The following ZNF555 variants were observed in gnomAD, a reference collection of about 807,000 sequenced individuals.
The protein encoded by ZNF555 is zinc finger protein 555.
Under a neutral mutation model 14.0 loss-of-function variants are expected in ZNF555, and 10 were observed. That is an observed-to-expected ratio of 0.72 (90% CI 0.44 to 1.21). The LOEUF is 1.21. ZNF555 is among the 50% of genes most tolerant of loss of function. ZNF555 has a pLI of 0.00. For synonymous variants in ZNF555, 277 were observed against 262.4 expected (o/e 1.06, Z -0.54); for missense variants, 747 against 762.0 (o/e 0.98, Z 0.23).
At chr19:2,846,208 C>A (rs1286229054) in intron 1 of ZNF555, among the ~76,000 whole-genome samples, 1 of 152,228 alleles carries the variant, frequency 6.6e-6, no homozygotes, top group Non-Finnish European at 1.5e-5. Context: ...GTATGGACGA[C>A]ACCTGGAGAT....
rs967030600 is a variant in ZNF555, at chr19:2,851,671, G to A, written c.314+20G>A. 3 of 1,513,410 alleles carry A rather than the reference G, an allele frequency of 2.0e-6. No homozygotes were observed. In the African/African-American group the frequency reaches 4.2e-5, roughly 21 times the overall value. The allele number at this position is 1,513,410 out of a possible 1,614,324, so 93.7% of individuals were successfully genotyped here. ...TCTCAGGTGAGTTGCACTCACAAGA[G>A]AACATAGTATTTCAGGAGAGAATCT... On this transcript the variant is annotated intron_variant, in intron 3 of 3. Transcript: ENST00000334241.
Position 2,859,402 on chromosome 19 carries a change from T to G in ZNF555, c.*5450T>G, listed in dbSNP as rs2087712757. On this transcript the variant is annotated 3_prime_UTR_variant, in exon 4 of 4. Transcript: ENST00000334241. The stretch of plus-strand genomic sequence containing the variant: ...TTCATCTTGTGATGGCAGATGTACT[T>G]GAGTAGACACGACAGACGGGGAAGG... 1 of 151,960 alleles carries G rather than the reference T, an allele frequency of 6.6e-6. No individual in the cohort carries two copies. The highest frequency in any genetic ancestry group is 1.5e-5 in the Non-Finnish European group (1 of 67,996). 9.4% of individuals were successfully genotyped at this position (151,960 alleles called of 1,614,324 possible). A position where few individuals can be genotyped will look rare whatever the true frequency, so the allele number is the denominator to read the frequency against.
rs2087666563 is a variant in ZNF555 at position 2,854,404 on chromosome 19, C to G, written c.*452C>G. The G allele has an allele frequency of 1.1e-5, 2 of 174,794 alleles. No homozygotes were observed. Among genetic ancestry groups the G allele is most frequent in the African/African-American group, 4.8e-5 (2 of 41,512 alleles). 10.8% of individuals were successfully genotyped at this position (174,794 alleles called of 1,614,324 possible). A position where few individuals can be genotyped will look rare whatever the true frequency, so the allele number is the denominator to read the frequency against. ...GTTTGCCCATTGCTGTTTGTCTTTG[C>G]TTGTGATTGTGAATTGGACAGTAGG... On this transcript the variant is annotated 3_prime_UTR_variant, in exon 4 of 4. Coordinates refer to ENST00000334241, the MANE Select transcript of ZNF555 (RefSeq NM_152791.5).
In ZNF555 at chr19:2,856,715, T is replaced by A. The variant is rs2144862501; in HGVS notation, c.*2763T>A. ...TTTACTATCAGATTTGGCCTTGTGT[T>A]CTGTGATTTTGGTGAGCGTTCAAGG... On this transcript the variant is annotated 3_prime_UTR_variant, in exon 4 of 4. Transcript: ENST00000334241. The A allele has an allele frequency of 6.6e-6, 1 of 152,282 alleles. No individual in the cohort carries two copies. Among genetic ancestry groups the A allele is most frequent in the East Asian group, 1.9e-4 (1 of 5,186 alleles). 9.4% of individuals were successfully genotyped at this position (152,282 alleles called of 1,614,324 possible). A position where few individuals can be genotyped will look rare whatever the true frequency, so the allele number is the denominator to read the frequency against.
chr19:2,848,151 C>G (rs528600852), intron 1 of ZNF555, among the ~76,000 whole-genome samples: 3 of 141,020 alleles, frequency 2.1e-5, no homozygotes, highest in Admixed American at 7.8e-5. Flanking sequence ...TCTTTGTTTT[C>G]TTTTCTTTTT....
chr19:2,843,351 G>A (rs1741680078), intron 1 of ZNF555, among the ~76,000 whole-genome samples: 1 of 152,032 alleles, frequency 6.6e-6, no homozygotes, highest in Non-Finnish European at 1.5e-5. Context: ...TGTTTCTAGG[G>A]ATGGGGTCTC....
intron 1 of ZNF555, among the ~76,000 whole-genome samples, chr19:2,843,055 A>C (rs1411106371): frequency 1.3e-5 from 2 of 152,202 alleles, no homozygotes; most frequent in African/African-American, 2.4e-5. Flanking sequence ...AAAAAAAAAA[A>C]AACTTCCAAC....
chr19:2,848,703 C>G (rs908877075), intron 1 of ZNF555, among the ~76,000 whole-genome samples: 1 of 152,246 alleles, frequency 6.6e-6, no homozygotes, highest in South Asian at 2.1e-4. Flanking sequence ...CTGCCTCAGC[C>G]TCCCAAAGTG....
rs748135845 is a variant in ZNF555, at chr19:2,853,228, G to A, written c.1163G>A (p.Arg388Lys). The A allele has an allele frequency of 1.2e-6, 2 of 1,613,972 alleles. No individual in the cohort carries two copies. The highest frequency in any genetic ancestry group is 2.7e-5 in the African/African-American group (2 of 74,894). ...CCCCAGTCCTTTCGAAGACATGAAA[G>A]GACTCATGGTGGAGAGAAACCCTAT... The part of the protein sequence containing the change: ...IYPQSFRRHE[R>K]THGGEKPYEC... The change falls in exon 4 of 4, where the codon AGG becomes AAG. Residue 388 changes from arginine to lysine, a missense_variant. Transcript: ENST00000334241.
At chr19:2,848,579 G>A (rs2087602276) in intron 1 of ZNF555, among the ~76,000 whole-genome samples, 1 of 152,006 alleles carries the variant, frequency 6.6e-6, no homozygotes, top group South Asian at 2.1e-4. Flanking sequence ...CTCCCAAATA[G>A]CTGGGATTAC....
chr19:2,851,761 T>A (rs2087632493), intron 3 of ZNF555, 110 bp downstream of exon 3: 6 of 982,240 alleles, frequency 6.1e-6, no homozygotes, highest in Non-Finnish European at 8.5e-6. Context: ...AGCTCCAATT[T>A]GTTTAATCCA....
At position 2,859,909 on chromosome 19, in the gene ZNF555, T is replaced by C. The variant is rs1207649124; in HGVS notation, c.*5957T>C. 2 of 152,270 alleles carry C rather than the reference T, an allele frequency of 1.3e-5. No homozygotes were observed. The highest frequency in any genetic ancestry group is 2.1e-4 in the South Asian group (1 of 4,836). The allele number at this position is 152,270 out of a possible 1,614,324, so 9.4% of individuals were successfully genotyped here. A position where few individuals can be genotyped will look rare whatever the true frequency, so the allele number is the denominator to read the frequency against. ...AGCCTGGACATTAAGTATTTCTTGA[T>C]GTTCTTCTGTGTAACAGGTGATGTC... On this transcript the variant is annotated 3_prime_UTR_variant, in exon 4 of 4. Coordinates refer to ENST00000334241, the MANE Select transcript of ZNF555 (RefSeq NM_152791.5).
intron 1 of ZNF555, 79 bp downstream of exon 1, chr19:2,841,654 C>T: frequency 7.2e-7 from 1 of 1,392,848 alleles, no homozygotes; most frequent in Non-Finnish European, 9.3e-7. Context: ...TTGGGGGGAG[C>T]TGAGGGACGC....
rs1041351651 is a variant in ZNF555 at position 2,856,774 on chromosome 19, G to T, written c.*2822G>T. The stretch of plus-strand genomic sequence containing the variant: ...CTTTGGTCTGGATTGGATGTTCTCA[G>T]GTCATGAATATAATTCTCTGGGAAC... On this transcript the variant is annotated 3_prime_UTR_variant, in exon 4 of 4. Transcript: ENST00000334241. 1.3e-5 allele frequency: 2 copies of T among 152,168 alleles called. No individual in the cohort carries two copies. The highest frequency in any genetic ancestry group is 2.9e-5 in the Non-Finnish European group (2 of 68,040). 9.4% of individuals were successfully genotyped at this position (152,168 alleles called of 1,614,324 possible). A position where few individuals can be genotyped will look rare whatever the true frequency, so the allele number is the denominator to read the frequency against.
intron 1 of ZNF555, among the ~76,000 whole-genome samples, chr19:2,848,387 C>T (rs2087600529): frequency 4.6e-5 from 7 of 151,726 alleles, no homozygotes; most frequent in Admixed American, 4.6e-4. Context: ...CTCCTGACCT[C>T]GTGATCCACC....
chr19:2,844,121 A>G (rs2087562908), intron 1 of ZNF555, among the ~76,000 whole-genome samples: 1 of 130,802 alleles, frequency 7.6e-6, no homozygotes, highest in South Asian at 2.3e-4. Flanking sequence ...TTTTTTTTAA[A>G]GAGGGAGTTT....
In ZNF555 at chr19:2,850,817, T is replaced by G. The variant is rs573788074; in HGVS notation, c.130+104T>G. ...CTTGGAATGTGGAAAGGGAATAAAT[T>G]GGTAAATAAGACAGACATAGTCACA... On this transcript the variant is annotated intron_variant, in intron 2 of 3. Coordinates refer to ENST00000334241, the MANE Select transcript of ZNF555 (RefSeq NM_152791.5). 2.3e-5 allele frequency: 33 copies of G among 1,442,572 alleles called. No individual in the cohort carries two copies. In the South Asian group the frequency reaches 4.0e-4, roughly 17 times the overall value. The allele number at this position is 1,442,572 out of a possible 1,614,324, so 89.4% of individuals were successfully genotyped here. A position where few individuals can be genotyped will look rare whatever the true frequency, so the allele number is the denominator to read the frequency against.
At position 2,860,367 on chromosome 19, in the gene ZNF555, G is replaced by A. The variant is rs1568348339; in HGVS notation, c.*6415G>A. 1.3e-5 allele frequency: 2 copies of A among 152,070 alleles called. No individual in the cohort carries two copies. The highest frequency in any genetic ancestry group is 4.8e-5 in the African/African-American group (2 of 41,396). The allele number at this position is 152,070 out of a possible 1,614,324, so 9.4% of individuals were successfully genotyped here. On this transcript the variant is annotated 3_prime_UTR_variant, in exon 4 of 4. Transcript: ENST00000334241. Reference sequence around the variant, plus strand: ...TGTGTCTCTGTGTTTTCCAGTCTTTGTGTGATGAAATATAAAGGCCTAGCA... The same window carrying A: ...TGTGTCTCTGTGTTTTCCAGTCTTTATGTGATGAAATATAAAGGCCTAGCA...
Position 2,860,162 on chromosome 19 carries a change from C to G in ZNF555, c.*6210C>G, listed in dbSNP as rs1442787436. The G allele has an allele frequency of 6.6e-6, 1 of 152,246 alleles. No homozygotes were observed. Among genetic ancestry groups the G allele is most frequent in the Non-Finnish European group, 1.5e-5 (1 of 68,084 alleles). The allele number at this position is 152,246 out of a possible 1,614,324, so 9.4% of individuals were successfully genotyped here. On this transcript the variant is annotated 3_prime_UTR_variant, in exon 4 of 4. Coordinates refer to ENST00000334241, the MANE Select transcript of ZNF555 (RefSeq NM_152791.5). ...AGTCTGTTACTACCTCTGGGACTCT[C>G]ATCTCTTGAGTGTGCTTGGGTGTGT...
Sources: gnomAD v4.1 joint callset for allele counts (sites outside exome capture counted in the v4.1 genomes callset) on GRCh38, gnomAD v4.1.1 for gene constraint, MANE v1.5 for transcripts, NCBI Gene and HGNC (gene_info 2026-07-23, HGNC 2026-07-21) for gene names.